Variants in THSD7A observed in about 807,000 individuals in gnomAD.
THSD7A encodes the protein thrombospondin type-1 domain-containing protein 7A.
Under a neutral mutation model 231.3 loss-of-function variants are expected in THSD7A, and 96 were observed. The observed-to-expected ratio is 0.41, with a 90% confidence interval of 0.35 to 0.49. The LOEUF is 0.49. Among genes scored for constraint, THSD7A ranks in the 20% least tolerant of loss-of-function variants. The pLI is 0.05. For synonymous variants in THSD7A, 940 were observed against 743.3 expected (o/e 1.26, Z -4.30); for missense variants, 2,290 against 2,070.2 (o/e 1.11, Z -2.06).
At chr7:11,502,020 A>G (rs1018973947) in intron 6 of THSD7A, among the ~76,000 whole-genome samples, 1 of 152,158 alleles carries the variant, frequency 6.6e-6, no homozygotes, top group Non-Finnish European at 1.5e-5. Flanking sequence ...CACAAACTCT[A>G]AAACCTAGAA....
At position 11,426,695 on chromosome 7, in the gene THSD7A, G is replaced by A. The variant is rs1357991735; in HGVS notation, c.3244-24C>T. The A allele has an allele frequency of 4.5e-6, 7 of 1,557,164 alleles. No individual in the cohort carries two copies. In the South Asian group the frequency reaches 8.2e-5, roughly 18 times the overall value. ...GCCTGGAGTGGTGTTCAACAGGAATGATGAAAAGGGAGAGAAATAAGGTAG... is the reference window on the plus strand; with the variant it reads ...GCCTGGAGTGGTGTTCAACAGGAATAATGAAAAGGGAGAGAAATAAGGTAG... On this transcript the variant is annotated intron_variant, in intron 14 of 27. Coordinates refer to ENST00000423059, the MANE Select transcript of THSD7A (RefSeq NM_015204.3).
At chr7:11,790,647 G>C (rs1783925093) in intron 1 of THSD7A, among the ~76,000 whole-genome samples, 1 of 151,856 alleles carries the variant, frequency 6.6e-6, no homozygotes. Flanking sequence ...GTAAACACAT[G>C]ATGTGTTTAG....
At chr7:11,800,734 GA>G (rs1784251263) in intron 1 of THSD7A, among the ~76,000 whole-genome samples, 1 of 152,128 alleles carries the variant, frequency 6.6e-6, no homozygotes, top group African/African-American at 2.4e-5. Context: ...AGGGGAGAGG[GA>G]AATGGAGAAT....
At chr7:11,388,141 G>A (rs1265426711) in intron 23 of THSD7A, among the ~76,000 whole-genome samples, 2 of 152,038 alleles carry the variant, frequency 1.3e-5, no homozygotes, top group African/African-American at 4.8e-5. Flanking sequence ...ATGTTCATCA[G>A]GGATATTGGC....
intron 1 of THSD7A, among the ~76,000 whole-genome samples, chr7:11,742,110 GTGT>G (rs1419987019): frequency 2.0e-5 from 3 of 151,904 alleles, no homozygotes; most frequent in Non-Finnish European, 2.9e-5. Context: ...TTCTAAAGAA[GTGT>G]TGTAAAATCA....
chr7:11,821,814 C>A (rs2128187304), intron 1 of THSD7A, among the ~76,000 whole-genome samples: 1 of 152,272 alleles, frequency 6.6e-6, no homozygotes, highest in South Asian at 2.1e-4. Context: ...TATTTCATTT[C>A]TTTTCCCATA....
chr7:11,626,730 T>A (rs1781482620), intron 2 of THSD7A, among the ~76,000 whole-genome samples: 1 of 152,060 alleles, frequency 6.6e-6, no homozygotes, highest in South Asian at 2.1e-4. Flanking sequence ...AATTTAAAAA[T>A]TCTCAGAGAC....
chr7:11,677,583 G>GAAAAAAAAAAA (rs1562467899), intron 1 of THSD7A, among the ~76,000 whole-genome samples: 2 of 7,028 alleles, frequency 2.8e-4, no homozygotes, highest in African/African-American at 1.9e-3. Flanking sequence ...CAAATGGAAA[G>GAAAAAAAAAAA]CAAAAAAAAA....
chr7:11,515,971 C>A (rs1479281603), intron 6 of THSD7A, among the ~76,000 whole-genome samples: 2 of 152,060 alleles, frequency 1.3e-5, no homozygotes, highest in Admixed American at 6.6e-5. Flanking sequence ...TTAAAGTATA[C>A]TGTGAATGAA....
At chr7:11,509,821 C>CAAAAAAAAAAAAAAAAAAT (rs751048602) in intron 6 of THSD7A, among the ~76,000 whole-genome samples, 1 of 39,974 alleles carries the variant, frequency 2.5e-5, no homozygotes, top group Non-Finnish European at 6.1e-5. Context: ...GAGTCCGTCT[C>CAAAAAAAAAAAAAAAAAAT]AAAAAAAAAA....
intron 1 of THSD7A, among the ~76,000 whole-genome samples, chr7:11,669,082 A>G (rs1312523615): frequency 6.6e-6 from 1 of 152,158 alleles, no homozygotes; most frequent in Non-Finnish European, 1.5e-5. Context: ...CCTAACCCAC[A>G]TACCATTATA....
At chr7:11,668,848 G>A (rs1783260143) in intron 1 of THSD7A, among the ~76,000 whole-genome samples, 1 of 152,146 alleles carries the variant, frequency 6.6e-6, no homozygotes, top group South Asian at 2.1e-4. Context: ...GAATGAGGCT[G>A]GGCGCTACTG....
intron 1 of THSD7A, among the ~76,000 whole-genome samples, chr7:11,735,047 A>G (rs1214716027): frequency 6.6e-6 from 1 of 151,924 alleles, no homozygotes; most frequent in African/African-American, 2.4e-5. Flanking sequence ...GTCTTCTTAC[A>G]TGTTCAAATT....
At position 11,406,374 on chromosome 7, in the gene THSD7A, C is replaced by G; in HGVS notation, c.4163G>C (p.Cys1388Ser). The change falls in exon 22 of 28, where the codon TGT (cysteine) becomes TCT (serine). Residue 1388 changes from cysteine to serine, a missense_variant. Coordinates refer to ENST00000423059, the MANE Select transcript of THSD7A (RefSeq NM_015204.3). This position sits in a 1 kb window ranked among gnomAD's most constrained non-coding sequence, Gnocchi z 4.7. ...ATCTATAATGAGTTCAATGTCAGCA[C>G]AGAATTCCTCATCCACCACTTTGCT... is the stretch of plus-strand genomic sequence containing the variant. Reference protein sequence around the residue: ...DFSKVVDEEFCADIELIIDGN... With the variant: ...DFSKVVDEEFSADIELIIDGN... 1 of 1,613,962 alleles carries G rather than the reference C, an allele frequency of 6.2e-7. No individual in the cohort carries two copies. The highest frequency in any genetic ancestry group is 8.5e-7 in the Non-Finnish European group (1 of 1,179,848).
intron 6 of THSD7A, among the ~76,000 whole-genome samples, chr7:11,524,057 T>C (rs1172918240): frequency 6.6e-6 from 1 of 152,200 alleles, no homozygotes; most frequent in Non-Finnish European, 1.5e-5. Flanking sequence ...AGGTTCTTTT[T>C]ATTTATTTTA....
intron 6 of THSD7A, among the ~76,000 whole-genome samples, chr7:11,489,163 G>A (rs1214437073): frequency 6.6e-6 from 1 of 152,000 alleles, no homozygotes; most frequent in African/African-American, 2.4e-5. Flanking sequence ...TTATTTTAGA[G>A]TTTCACAGTA....
At chr7:11,627,861 A>G (rs1397436212) in intron 2 of THSD7A, among the ~76,000 whole-genome samples, 2 of 152,056 alleles carry the variant, frequency 1.3e-5, no homozygotes, top group African/African-American at 4.8e-5. Flanking sequence ...AAGAAAATGT[A>G]TGCGCTCCCC....
At chr7:11,767,503 T>C (rs1156424304) in intron 1 of THSD7A, among the ~76,000 whole-genome samples, 1 of 152,208 alleles carries the variant, frequency 6.6e-6, no homozygotes, top group Non-Finnish European at 1.5e-5. Context: ...CGAAATCTAC[T>C]TTAACCACCT....
intron 1 of THSD7A, among the ~76,000 whole-genome samples, chr7:11,760,586 G>C (rs1240962368): frequency 6.6e-6 from 1 of 151,994 alleles, no homozygotes; most frequent in Non-Finnish European, 1.5e-5. Flanking sequence ...CAGCCTCACA[G>C]GATGCCAATT....
Sources: allele counts gnomAD v4.1 joint callset (sites outside exome capture counted in the v4.1 genomes callset), GRCh38; gene constraint gnomAD v4.1.1; non-coding constraint Gnocchi (gnomAD v3.1); transcripts MANE v1.5; gene names NCBI Gene and HGNC (gene_info 2026-07-23, HGNC 2026-07-21).